CADPS2: variants seen among roughly 807,000 people sequenced by gnomAD.
The protein encoded by CADPS2 is calcium-dependent secretion activator 2.
A neutral mutation model predicts 172.5 loss-of-function variants in CADPS2; 93 were observed. The observed-to-expected ratio is 0.54, with a 90% CI of 0.46 to 0.64. The LOEUF is 0.64. Ranked by LOEUF, CADPS2 falls within the 30% of genes least tolerant of loss-of-function variation. The pLI is 0.00. For missense variants in CADPS2, 1,420 were observed against 1,565.9 expected (o/e 0.91, Z 1.57); for synonymous variants, 546 against 555.2 (o/e 0.98, Z 0.23).
At chr7:122,385,049 G>C (rs1399495186) in intron 24 of CADPS2, among the ~76,000 whole-genome samples, 1 of 151,978 alleles carries the variant, frequency 6.6e-6, no homozygotes, top group East Asian at 1.9e-4. Flanking sequence ...AAAAGAATGG[G>C]TTTATGAGGA....
intron 1 of CADPS2, among the ~76,000 whole-genome samples, chr7:122,833,751 C>T (rs745989178): frequency 1.3e-5 from 2 of 152,050 alleles, no homozygotes; most frequent in Non-Finnish European, 2.9e-5. Flanking sequence ...ACAAAATATT[C>T]TTAAAAGGTA....
chr7:122,469,554 G>GA (rs34867446), intron 14 of CADPS2, among the ~76,000 whole-genome samples: 1 of 152,074 alleles, frequency 6.6e-6, no homozygotes, highest in Non-Finnish European at 1.5e-5. Flanking sequence ...AGATAGTGGG[G>GA]AAAAAACTAC....
intron 1 of CADPS2, among the ~76,000 whole-genome samples, chr7:122,881,635 C>T (rs1306397963): frequency 2.0e-5 from 3 of 152,162 alleles, no homozygotes; most frequent in Non-Finnish European, 4.4e-5. Context: ...AAGAGTATGG[C>T]ATTTTTGGAC....
At chr7:122,347,517 A>C (rs1278951816) in intron 27 of CADPS2, among the ~76,000 whole-genome samples, 1 of 152,138 alleles carries the variant, frequency 6.6e-6, no homozygotes, top group Non-Finnish European at 1.5e-5. Flanking sequence ...TTTCAACATG[A>C]CCCTGATACA....
chr7:122,373,492 T>C (rs905681927), intron 25 of CADPS2, among the ~76,000 whole-genome samples: 3 of 152,210 alleles, frequency 2.0e-5, no homozygotes, highest in Non-Finnish European at 4.4e-5. Flanking sequence ...CTATCCTGCC[T>C]GTGGACCCTG....
chr7:122,515,955 A>T (rs1490098239), intron 8 of CADPS2, among the ~76,000 whole-genome samples: 1 of 151,896 alleles, frequency 6.6e-6, no homozygotes. Flanking sequence ...AACATGCAAA[A>T]AAAGAATAAT....
intron 3 of CADPS2, among the ~76,000 whole-genome samples, chr7:122,638,969 C>G (rs1323516405): frequency 1.3e-5 from 2 of 152,212 alleles, no homozygotes; most frequent in East Asian, 3.9e-4. Context: ...CCACCTTGAA[C>G]CCTAAGTCCT....
intron 28 of CADPS2, among the ~76,000 whole-genome samples, chr7:122,341,133 G>C (rs984530817): frequency 6.6e-6 from 1 of 152,156 alleles, no homozygotes; most frequent in South Asian, 2.1e-4. Context: ...TATACATATT[G>C]CAACTTTTTA....
At chr7:122,731,118 T>G (rs2091599507) in intron 2 of CADPS2, among the ~76,000 whole-genome samples, 1 of 151,632 alleles carries the variant, frequency 6.6e-6, no homozygotes, top group South Asian at 2.1e-4. Flanking sequence ...TTTTGGTAAC[T>G]TTTAAAAGAT....
intron 9 of CADPS2, among the ~76,000 whole-genome samples, chr7:122,512,084 T>A (rs548073584): frequency 6.6e-6 from 1 of 152,094 alleles, no homozygotes; most frequent in African/African-American, 2.4e-5. Flanking sequence ...AAGAGGTTAC[T>A]TTTTAGCCAG....
intron 8 of CADPS2, among the ~76,000 whole-genome samples, chr7:122,537,870 T>A (rs2062469249): frequency 6.6e-6 from 1 of 151,590 alleles, no homozygotes; most frequent in Non-Finnish European, 1.5e-5. Flanking sequence ...TAAAAAATAA[T>A]TTTAAAAAAG....
intron 1 of CADPS2, among the ~76,000 whole-genome samples, chr7:122,807,689 C>T (rs777924125): frequency 5.3e-5 from 8 of 152,268 alleles, no homozygotes; most frequent in Non-Finnish European, 1.0e-4. Flanking sequence ...CTTCTGAGGC[C>T]TCCTCCACTG....
At chr7:122,465,914 G>A (rs928683650) in intron 14 of CADPS2, among the ~76,000 whole-genome samples, 2 of 152,126 alleles carry the variant, frequency 1.3e-5, no homozygotes, top group Middle Eastern at 3.2e-3. Context: ...ATATCAAACT[G>A]GGACGGCAAT....
chr7:122,353,810 T>C (rs2038998944), intron 27 of CADPS2, among the ~76,000 whole-genome samples: 1 of 152,160 alleles, frequency 6.6e-6, no homozygotes, highest in African/African-American at 2.4e-5. Flanking sequence ...TAACTTTTTT[T>C]TAAAGTTTTG....
chr7:122,676,809 C>T (rs150102592), intron 2 of CADPS2: 6 of 783,082 alleles, frequency 7.7e-6, no homozygotes, highest in East Asian at 5.5e-5. Flanking sequence ...GACAAGATTC[C>T]GAACTCACTG....
chr7:122,572,853 A>G (rs1158735554), intron 7 of CADPS2, among the ~76,000 whole-genome samples: 1 of 152,122 alleles, frequency 6.6e-6, no homozygotes, highest in Non-Finnish European at 1.5e-5. Context: ...GCCTCCAGGT[A>G]TTCCCTTAGC....
chr7:122,606,173 CG>C (rs2073509481), intron 6 of CADPS2, among the ~76,000 whole-genome samples: 1 of 152,096 alleles, frequency 6.6e-6, no homozygotes, highest in Admixed American at 6.5e-5. Flanking sequence ...GCCTTTTGAA[CG>C]GTACCCTGGA....
chr7:122,326,021 T>C (rs559212125), intron 28 of CADPS2, among the ~76,000 whole-genome samples: 1 of 151,604 alleles, frequency 6.6e-6, no homozygotes, highest in African/African-American at 2.4e-5. Context: ...GAAGATGTGT[T>C]ATGCTATAAG....
intron 2 of CADPS2, chr7:122,702,058 ATC>A: frequency 6.2e-7 from 1 of 1,613,606 alleles, no homozygotes; most frequent in East Asian, 2.2e-5. Flanking sequence ...CTTTCTTCAC[ATC>A]TGTCTTTATT....
Sources: allele counts gnomAD v4.1 joint callset (sites outside exome capture counted in the v4.1 genomes callset), GRCh38; gene constraint gnomAD v4.1.1; transcripts MANE v1.5; gene names NCBI Gene and HGNC (gene_info 2026-07-23, HGNC 2026-07-21).